Variants in TRIQK observed in about 807,000 individuals in gnomAD.
TRIQK encodes triple QxxK/R motif containing.
Under a neutral mutation model 10.8 loss-of-function variants are expected in TRIQK, and 10 were observed. The ratio of observed to expected loss-of-function variants is 0.92; its 90% CI spans 0.57 to 1.57. TRIQK has a LOEUF of 1.57. Ranked by LOEUF, TRIQK falls within the 40% of genes most tolerant of loss-of-function variation. The pLI is 0.00. For missense variants in TRIQK, 107 were observed against 97.7 expected (o/e 1.09, Z -0.40); for synonymous variants, 33 against 33.7 (o/e 0.98, Z 0.07).
At chr8:92,898,833 G>GTATGTATATA (rs1554598346) in intron 3 of TRIQK, among the ~76,000 whole-genome samples, 1 of 73,902 alleles carries the variant, frequency 1.4e-5, no homozygotes, top group Non-Finnish European at 2.5e-5. Context: ...GTGTGTGTGT[G>GTATGTATATA]TATATATATA....
intron 3 of TRIQK, among the ~76,000 whole-genome samples, chr8:92,898,257 T>C (rs895688364): frequency 6.6e-6 from 1 of 152,110 alleles, no homozygotes; most frequent in African/African-American, 2.4e-5. Flanking sequence ...ACTGGTCAAA[T>C]TGTGACAAGT....
chr8:92,914,369 AAAAC>A (rs1809721340), intron 3 of TRIQK, among the ~76,000 whole-genome samples: 3 of 152,310 alleles, frequency 2.0e-5, no homozygotes, highest in South Asian at 4.1e-4. Context: ...AACTGAAGCA[AAAAC>A]AAACAAAGGA....
intron 2 of TRIQK, among the ~76,000 whole-genome samples, chr8:92,946,831 G>A (rs1313771676): frequency 2.6e-5 from 4 of 151,150 alleles, no homozygotes; most frequent in Non-Finnish European, 5.9e-5. Flanking sequence ...TGCAATCTCG[G>A]CTCACTGCGA....
intron 2 of TRIQK, among the ~76,000 whole-genome samples, chr8:92,950,240 T>G (rs961818108): frequency 2.6e-5 from 4 of 152,130 alleles, no homozygotes; most frequent in Non-Finnish European, 5.9e-5. Flanking sequence ...AGAGACCTTT[T>G]TAAGAACAGA....
intron 3 of TRIQK, among the ~76,000 whole-genome samples, chr8:92,901,449 A>G (rs891601858): frequency 1.3e-5 from 2 of 152,052 alleles, no homozygotes; most frequent in African/African-American, 4.8e-5. Flanking sequence ...AGGGGTTTTT[A>G]TCATGAAGGA....
intron 1 of TRIQK, among the ~76,000 whole-genome samples, chr8:93,002,070 A>G (rs900639462): frequency 3.3e-5 from 5 of 152,178 alleles, no homozygotes; most frequent in Non-Finnish European, 5.9e-5. Context: ...ACTTTTTTTC[A>G]GACAAATGGA....
chr8:92,991,687 T>G (rs1813097776), intron 1 of TRIQK, among the ~76,000 whole-genome samples: 2 of 152,140 alleles, frequency 1.3e-5, no homozygotes. Flanking sequence ...TAAAGCGTAT[T>G]CAAATGGGAA....
intron 1 of TRIQK, chr8:92,960,360 A>T (rs1228867175): frequency 6.6e-6 from 1 of 152,132 alleles, no homozygotes; most frequent in Non-Finnish European, 1.5e-5. Flanking sequence ...CTCTACACCG[A>T]CTAAACTTTG....
At chr8:92,888,589 A>G (rs1816601815) in intron 4 of TRIQK, among the ~76,000 whole-genome samples, 1 of 151,578 alleles carries the variant, frequency 6.6e-6, no homozygotes, top group African/African-American at 2.4e-5. Context: ...GTAAAATTTG[A>G]AAATAATGCT....
chr8:93,016,062 T>C (rs1326015973), intron 1 of TRIQK, among the ~76,000 whole-genome samples: 1 of 152,242 alleles, frequency 6.6e-6, no homozygotes, highest in Non-Finnish European at 1.5e-5. Context: ...TTACTAATTC[T>C]TGAAATCCTC....
At chr8:92,893,938 T>A (rs1254109369) in intron 3 of TRIQK, among the ~76,000 whole-genome samples, 1 of 152,062 alleles carries the variant, frequency 6.6e-6, no homozygotes, top group Admixed American at 6.6e-5. Context: ...ATATTTTGGA[T>A]AATGTATCTG....
intron 2 of TRIQK, among the ~76,000 whole-genome samples, chr8:92,926,835 G>T (rs1810472353): frequency 6.6e-6 from 1 of 152,154 alleles, no homozygotes; most frequent in African/African-American, 2.4e-5. Flanking sequence ...AAGTTTGGAG[G>T]TTTGCAAGTG....
At chr8:92,986,104 A>G (rs997234856) in intron 1 of TRIQK, among the ~76,000 whole-genome samples, 1 of 152,184 alleles carries the variant, frequency 6.6e-6, no homozygotes, top group African/African-American at 2.4e-5. Context: ...TTGAATGTAT[A>G]GCAGAATTTG....
At chr8:92,894,238 AT>A (rs1816902114) in intron 3 of TRIQK, among the ~76,000 whole-genome samples, 1 of 152,142 alleles carries the variant, frequency 6.6e-6, no homozygotes, top group Non-Finnish European at 1.5e-5. Flanking sequence ...CCAAAAGTGT[AT>A]ATTGCAAAAT....
At position 92,883,659 on chromosome 8, in the gene TRIQK, A is replaced by T. The variant is rs1381700606; in HGVS notation, c.*2963T>A. 6.6e-6 allele frequency: 1 copy of T among 151,770 alleles called. No individual in the cohort carries two copies. The highest frequency in any genetic ancestry group is 1.5e-5 in the Non-Finnish European group (1 of 67,830). The allele number at this position is 151,770 out of a possible 1,614,324, so 9.4% of individuals were successfully genotyped here. On this transcript the variant is annotated 3_prime_UTR_variant, in exon 5 of 5. Coordinates refer to ENST00000521988, the MANE Select transcript of TRIQK (RefSeq NM_001171797.2). ...CTTAAATTTTAACATGCATTTATTAAATTTATATGCAGATGACTACACTAC... is the reference window on the plus strand; with the variant it reads ...CTTAAATTTTAACATGCATTTATTATATTTATATGCAGATGACTACACTAC...
chr8:93,015,102 G>A (rs893362663), intron 1 of TRIQK, among the ~76,000 whole-genome samples: 2 of 151,536 alleles, frequency 1.3e-5, no homozygotes, highest in Admixed American at 1.3e-4. Flanking sequence ...AAATGTATCC[G>A]GCAATAACAA....
At chr8:92,892,692 G>C (rs1816825459) in intron 3 of TRIQK, among the ~76,000 whole-genome samples, 1 of 151,832 alleles carries the variant, frequency 6.6e-6, no homozygotes, top group Non-Finnish European at 1.5e-5. Flanking sequence ...GCTACATTTA[G>C]ATATTAGTTT....
chr8:93,005,215 A>T (rs1813255707), intron 1 of TRIQK, among the ~76,000 whole-genome samples: 1 of 152,266 alleles, frequency 6.6e-6, no homozygotes, highest in South Asian at 2.1e-4. Flanking sequence ...GAGAGGCCTC[A>T]GAAAACTTAC....
chr8:92,954,348 A>G (rs764620501), intron 2 of TRIQK, 58 bp downstream of exon 2: 3 of 152,004 alleles, frequency 2.0e-5, no homozygotes, highest in Non-Finnish European at 2.9e-5. Context: ...ACAAAGTGAA[A>G]GAAAACAAAC....
Sources: gnomAD v4.1 joint callset for allele counts (sites outside exome capture counted in the v4.1 genomes callset) on GRCh38, gnomAD v4.1.1 for gene constraint, MANE v1.5 for transcripts, NCBI Gene and HGNC (gene_info 2026-07-23, HGNC 2026-07-21) for gene names.